Variants in ABCC6 observed in about 807,000 individuals in gnomAD.
ABCC6 encodes the protein ATP binding cassette subfamily C member 6.
Under a neutral mutation model 169.5 loss-of-function variants are expected in ABCC6, and 126 were observed. The observed-to-expected ratio is 0.74, with a 90% confidence interval of 0.64 to 0.86. The LOEUF is 0.86. ABCC6 is among the 40% of genes least tolerant of loss of function. ABCC6 has a pLI of 0.00. For synonymous variants in ABCC6, 752 were observed against 814.7 expected, an observed-to-expected ratio of 0.92 and a Z score of 1.31; for missense variants, 1,733 against 1,927.2, an observed-to-expected ratio of 0.90 and a Z score of 1.89.
Position 16,190,331 on chromosome 16 carries a change from G to A in ABCC6, c.1468C>T (p.Leu490Phe). ...QMRQKDSRARLTSSILRNSKT... is the reference protein window; with the variant it reads ...QMRQKDSRARFTSSILRNSKT... ...GAGTTCCTGAGGATAGAGCTGGTGA[G>A]CCGTGCCCGTGAGTCCTTCTGCCTC... is the stretch of plus-strand genomic sequence containing the variant. Residue 490 changes from leucine to phenylalanine, a missense_variant, in exon 12 of 31, where the codon CTC becomes TTC. Leu to Phe is a conservative substitution (Grantham distance 22). Coordinates refer to ENST00000205557, the MANE Select transcript of ABCC6 (RefSeq NM_001171.6). The A allele has an allele frequency of 5.0e-6, 8 of 1,614,192 alleles. No individual in the cohort carries two copies. Among genetic ancestry groups the A allele is most frequent in the Non-Finnish European group, 6.8e-6 (8 of 1,180,032 alleles).
rs753694576 is a variant in ABCC6 at position 16,182,965 on chromosome 16, AGGGTT to A, written c.1944-40_1944-36del. The A allele has an allele frequency of 1.9e-5, 30 of 1,613,954 alleles. No individual in the cohort carries two copies. The Admixed American group carries it at 4.7e-4, about 25-fold the overall frequency. On this transcript the variant is annotated intron_variant, in intron 15 of 30. Coordinates refer to ENST00000205557, the MANE Select transcript of ABCC6 (RefSeq NM_001171.6). Reference sequence around the variant, plus strand: ...CAAGAGGGGAGACATGACCTTGGTTAGGGTTCAGCCCGCCTCTGTGAGGAAGGATG... The same window carrying A: ...CAAGAGGGGAGACATGACCTTGGTTACAGCCCGCCTCTGTGAGGAAGGATG...
intron 11 of ABCC6, among the ~76,000 whole-genome samples, chr16:16,190,946 G>T (rs1309728574): frequency 6.8e-6 from 1 of 146,272 alleles, no homozygotes; most frequent in African/African-American, 2.5e-5. Flanking sequence ...GGGGGTGGCG[G>T]GGGCACCTAA....
chr16:16,163,591 G>A (rs576381407), intron 23 of ABCC6, among the ~76,000 whole-genome samples: 2 of 152,274 alleles, frequency 1.3e-5, no homozygotes, highest in South Asian at 4.2e-4. Context: ...TTTACGGCTG[G>A]TCAGTGGGAG....
At chr16:16,173,154 A>G in intron 21 of ABCC6, 130 bp downstream of exon 21, 1 of 1,232,330 alleles carries the variant, frequency 8.1e-7, no homozygotes, top group Non-Finnish European at 1.2e-6. Flanking sequence ...AACATCTAGA[A>G]TGCTACTGGC....
At chr16:16,212,658 C>T (rs1241141483) in intron 5 of ABCC6, among the ~76,000 whole-genome samples, 1 of 151,804 alleles carries the variant, frequency 6.6e-6, no homozygotes, top group African/African-American at 2.4e-5. Context: ...GCCCTGTCTC[C>T]TTGCCAGGGG....
At chr16:16,216,094 G>A (rs531559089) in intron 4 of ABCC6, among the ~76,000 whole-genome samples, 1 of 151,826 alleles carries the variant, frequency 6.6e-6, no homozygotes, top group Admixed American at 6.6e-5. Flanking sequence ...TACTTTTTTT[G>A]TATTTTTAGT....
rs1432716290 is a variant in ABCC6 at position 16,207,595 on chromosome 16, C to T, written c.794+1133G>A. Among the ~76,000 whole-genome samples, 14 of 151,994 alleles carry T rather than the reference C, an allele frequency of 9.2e-5. 1 individual carries two copies. Among genetic ancestry groups the T allele is most frequent in the Admixed American group, 9.2e-4 (14 of 15,262 alleles). ...CTCTTAATGTGTGGGATTCAGCCATCTGCAACAACTACCACAAAATCCCGG... is the reference window on the plus strand; with the variant it reads ...CTCTTAATGTGTGGGATTCAGCCATTTGCAACAACTACCACAAAATCCCGG... On this transcript the variant is annotated intron_variant, in intron 7 of 30. Transcript: ENST00000205557.
In ABCC6 at chr16:16,149,935, ACCTGTGTATTGCTAGGT is replaced by A; in HGVS notation, c.*181_*197del. On this transcript the variant is annotated 3_prime_UTR_variant, in exon 31 of 31. Transcript: ENST00000205557. ...GGCGAGATGGGCCCTGCCCGGGCAG[ACCTGTGTATTGCTAGGT>A]CCTTCCGGCTCTGATGCTCTGTGAT... is the stretch of plus-strand genomic sequence containing the variant. The A allele has an allele frequency of 1.3e-6, 1 of 781,860 alleles. No homozygotes were observed. The highest frequency in any genetic ancestry group is 2.1e-6 in the Non-Finnish European group (1 of 475,052). The allele number at this position is 781,860 out of a possible 1,614,324, so 48.4% of individuals were successfully genotyped here. A position where few individuals can be genotyped will look rare whatever the true frequency, so the allele number is the denominator to read the frequency against.
At chr16:16,174,760 A>ACCTCC (rs1555511581) in intron 20 of ABCC6, among the ~76,000 whole-genome samples, 1 of 94,634 alleles carries the variant, frequency 1.1e-5, no homozygotes, top group Non-Finnish European at 2.2e-5. Context: ...CTGTCTCAAA[A>ACCTCC]CCCCCCCCCG....
At chr16:16,175,703 C>A (rs1001876106) in intron 20 of ABCC6, among the ~76,000 whole-genome samples, 2 of 152,244 alleles carry the variant, frequency 1.3e-5, no homozygotes, top group Non-Finnish European at 2.9e-5. Flanking sequence ...ATTCCATGAA[C>A]TGGCCTTATA....
At chr16:16,210,677 G>C (rs904300348) in intron 6 of ABCC6, among the ~76,000 whole-genome samples, 5 of 152,220 alleles carry the variant, frequency 3.3e-5, no homozygotes, top group Non-Finnish European at 5.9e-5. Flanking sequence ...AGCATCAAGA[G>C]TGGTCCATAA....
At chr16:16,206,627 C>T (rs1411803155) in intron 7 of ABCC6, among the ~76,000 whole-genome samples, 6 of 151,912 alleles carry the variant, frequency 3.9e-5, no homozygotes, top group Admixed American at 1.3e-4. Flanking sequence ...CAGAAGCTGA[C>T]GGAGCCTGGT....
At position 16,162,493 on chromosome 16, in the gene ABCC6, T is replaced by G. The variant is rs904411704; in HGVS notation, c.3506+500A>C. Among the ~76,000 whole-genome samples the G allele has an allele frequency of 1.7e-4, 26 of 152,232 alleles. 1 individual carries two copies. Among genetic ancestry groups the G allele is most frequent in the African/African-American group, 5.1e-4 (21 of 41,456 alleles). ...AGATTGCTCAGAACAGTGCCAGGCA[T>G]GCAGTAAGCATGTTACAGGTCTTAC... On this transcript the variant is annotated intron_variant, in intron 24 of 30. Coordinates refer to ENST00000205557, the MANE Select transcript of ABCC6 (RefSeq NM_001171.6).
At chr16:16,215,496 C>T (rs923545211) in intron 4 of ABCC6, among the ~76,000 whole-genome samples, 2 of 135,186 alleles carry the variant, frequency 1.5e-5, no homozygotes, top group African/African-American at 2.8e-5. Flanking sequence ...TTTTTTGAGA[C>T]GGAGTCTTGC....
intron 4 of ABCC6, among the ~76,000 whole-genome samples, chr16:16,217,116 T>G (rs1025881470): frequency 2.0e-5 from 3 of 152,244 alleles, no homozygotes; most frequent in Admixed American, 6.5e-5. Context: ...GTTTTATGGC[T>G]TTAAACCAGA....
intron 22 of ABCC6, among the ~76,000 whole-genome samples, chr16:16,166,382 T>G (rs1250888322): frequency 6.6e-6 from 1 of 151,426 alleles, no homozygotes; most frequent in African/African-American, 2.4e-5. Context: ...GGTTGAAGAG[T>G]GTCCCCCAAA....
chr16:16,205,905 A>G (rs4781750), intron 7 of ABCC6, among the ~76,000 whole-genome samples: 10,728 of 149,830 alleles, frequency 0.072, 665 homozygotes, highest in African/African-American at 0.17. Flanking sequence ...CCCTGCACAT[A>G]CTGTTATAAA....
intron 7 of ABCC6, among the ~76,000 whole-genome samples, chr16:16,206,561 T>C (rs567634416): frequency 1.3e-5 from 2 of 151,946 alleles, no homozygotes; most frequent in African/African-American, 2.4e-5. Flanking sequence ...CCCCCAGTGG[T>C]TGCAAAATAC....
Position 16,182,506 on chromosome 16 carries a change from T to C in ABCC6, c.2153A>G (p.Asp718Gly), listed in dbSNP as rs1357894483. ...TAGTACTCTCTCCAGCCAGGGTGGG[T>C]CCAGCTCCTGCCCGAAGCACACATT... Reference protein sequence around the residue: ...VENVCFGQELDPPWLERVLEA... With the variant: ...VENVCFGQELGPPWLERVLEA... The change falls in exon 17 of 31, where the codon GAC (aspartate) becomes GGC (glycine). Residue 718 changes from aspartate (D) to glycine (G), a missense_variant. Asp to Gly is a moderately conservative substitution (Grantham distance 94, BLOSUM62 -1). Transcript: ENST00000205557. 1.2e-6 allele frequency: 2 copies of C among 1,614,046 alleles called. No individual in the cohort carries two copies. The highest frequency in any genetic ancestry group is 8.5e-7 in the Non-Finnish European group (1 of 1,180,030).
Sources: allele counts gnomAD v4.1 joint callset (sites outside exome capture counted in the v4.1 genomes callset), GRCh38; gene constraint gnomAD v4.1.1; transcripts MANE v1.5; gene names NCBI Gene and HGNC (gene_info 2026-07-23, HGNC 2026-07-21).